Variants in ERC2 observed in about 807,000 individuals in gnomAD.
The protein encoded by ERC2 is ERC protein 2.
A neutral mutation model predicts 114.8 loss-of-function variants in ERC2; 42 were observed. That is an observed-to-expected ratio of 0.37 (90% CI 0.29 to 0.47). The LOEUF is 0.47. Ranked by LOEUF, ERC2 falls within the 20% of genes least tolerant of loss-of-function variation. The pLI is 0.99. For synonymous variants in ERC2, 454 were observed against 425.5 expected (o/e 1.07, Z -0.82); for missense variants, 939 against 1,150.7 (o/e 0.82, Z 2.66).
chr3:56,299,026 C>T (rs963800252), intron 2 of ERC2, among the ~76,000 whole-genome samples: 1 of 151,036 alleles, frequency 6.6e-6, no homozygotes, highest in African/African-American at 2.5e-5. Flanking sequence ...TGAAAGAGTG[C>T]TTTGGCAACT....
At chr3:56,435,823 A>G (rs2061992610) in intron 1 of ERC2, among the ~76,000 whole-genome samples, 1 of 152,212 alleles carries the variant, frequency 6.6e-6, no homozygotes, top group Non-Finnish European at 1.5e-5. Flanking sequence ...GCCTAAACAC[A>G]TAGCCAGATC....
Position 56,122,768 on chromosome 3 carries a change from C to T in ERC2, c.1473+16741G>A, listed in dbSNP as rs143114306. Among the ~76,000 whole-genome samples the T allele has an allele frequency of 5.0e-3, 756 of 152,202 alleles. 6 individuals carry two copies. Among genetic ancestry groups the T allele is most frequent in the African/African-American group, 0.017 (702 of 41,524 alleles). On this transcript the variant is annotated intron_variant, in intron 6 of 17. Coordinates refer to ENST00000288221, the MANE Select transcript of ERC2 (RefSeq NM_015576.3). ...GTAGCTCAGGAAAAATGCCCGAATG[C>T]CCGTAAGTCTTATAATGCAATCTCC...
chr3:55,989,947 C>T (rs527675534), intron 11 of ERC2, among the ~76,000 whole-genome samples: 1 of 152,244 alleles, frequency 6.6e-6, no homozygotes, highest in South Asian at 2.1e-4. Context: ...AATCAGGAAA[C>T]CCATATTACA....
intron 15 of ERC2, among the ~76,000 whole-genome samples, chr3:55,713,113 T>C (rs1344313841): frequency 8.8e-6 from 1 of 113,688 alleles, no homozygotes; most frequent in African/African-American, 4.1e-5. Context: ...TCTCTCTCTC[T>C]CTCTCTCTCT....
intron 7 of ERC2, among the ~76,000 whole-genome samples, chr3:56,058,112 G>C (rs1346036490): frequency 2.0e-5 from 3 of 152,130 alleles, no homozygotes; most frequent in Non-Finnish European, 2.9e-5. Context: ...ACCTGCACTT[G>C]ATAAACAGCT....
Position 55,780,882 on chromosome 3 carries a change from T to G in ERC2, c.2565-45964A>C, listed in dbSNP as rs146180746. On this transcript the variant is annotated intron_variant, in intron 14 of 17. Coordinates refer to ENST00000288221, the MANE Select transcript of ERC2 (RefSeq NM_015576.3). The stretch of plus-strand genomic sequence containing the variant: ...TCTGATTCTGTAGCCCTGTGTTGTG[T>G]GATAGCAAATGATACGCCAAGACGA... Among the ~76,000 whole-genome samples the G allele has an allele frequency of 1.2e-3, 178 of 152,254 alleles. 1 individual carries two copies. Among genetic ancestry groups the G allele is most frequent in the African/African-American group, 3.9e-3 (163 of 41,548 alleles).
chr3:55,991,032 C>T (rs879876982), intron 11 of ERC2, among the ~76,000 whole-genome samples: 2 of 152,166 alleles, frequency 1.3e-5, no homozygotes, highest in African/African-American at 2.4e-5. Context: ...AACTTCGAGG[C>T]TGCAGTGAGT....
rs540591010 is a variant in ERC2, at chr3:55,833,138, G to A, written c.2564+55251C>T. 1.8e-3 allele frequency among the ~76,000 whole-genome samples: 268 copies of A among 150,026 alleles called. 3 individuals are homozygous for A. The highest frequency in any genetic ancestry group is 2.8e-3 in the Non-Finnish European group (192 of 67,910). ...AAGACCAAATCTACGTCTGATTGGT[G>A]TACCTGAAAGTGACGGGGAGAATGG... On this transcript the variant is annotated intron_variant, in intron 14 of 17. Transcript: ENST00000288221.
chr3:55,530,463 T>C (rs1371452079), intron 17 of ERC2, among the ~76,000 whole-genome samples: 1 of 82,916 alleles, frequency 1.2e-5, no homozygotes, highest in East Asian at 1.5e-3. Flanking sequence ...ACGTCTGACC[T>C]GACATGTTCT....
chr3:56,309,802 A>G (rs56124129), intron 2 of ERC2, among the ~76,000 whole-genome samples: 5,712 of 152,242 alleles, frequency 0.038, 218 homozygotes, highest in South Asian at 0.2. Context: ...AATGTTAGCT[A>G]TTTTCATTAT....
Position 55,802,761 on chromosome 3 carries a change from G to C in ERC2, c.2565-67843C>G, listed in dbSNP as rs1377222086. ...TTAAGGAAATCAGCAAGTTTAGGGG[G>C]AATTTTTTTTTTCTGAAGGATTAAC... On this transcript the variant is annotated intron_variant, in intron 14 of 17. Coordinates refer to ENST00000288221, the MANE Select transcript of ERC2 (RefSeq NM_015576.3). Among the ~76,000 whole-genome samples the C allele has an allele frequency of 2.6e-5, 4 of 152,146 alleles. No homozygotes were observed. The East Asian group carries it at 7.7e-4, about 29-fold the overall frequency.
chr3:56,462,748 T>C (rs1279550067), intron 1 of ERC2, among the ~76,000 whole-genome samples: 27 of 152,208 alleles, frequency 1.8e-4, no homozygotes, highest in Non-Finnish European at 5.9e-5. Flanking sequence ...TTGAGGGTTT[T>C]CTTGAGAAGG....
At chr3:56,283,533 T>A (rs1396067209) in intron 3 of ERC2, among the ~76,000 whole-genome samples, 1 of 152,228 alleles carries the variant, frequency 6.6e-6, no homozygotes, top group Non-Finnish European at 1.5e-5. Flanking sequence ...TTCTTTGCTG[T>A]GTGGACTCTG....
intron 14 of ERC2, among the ~76,000 whole-genome samples, chr3:55,810,529 C>A (rs536389449): frequency 6.6e-6 from 1 of 151,366 alleles, no homozygotes; most frequent in Non-Finnish European, 1.5e-5. Context: ...ATGGCATGAT[C>A]TCAGCTCACT....
intron 2 of ERC2, among the ~76,000 whole-genome samples, chr3:56,346,620 C>A (rs2058319083): frequency 6.6e-6 from 1 of 152,194 alleles, no homozygotes; most frequent in Non-Finnish European, 1.5e-5. Context: ...AAATATGCAT[C>A]AAGCCAAACC....
At chr3:56,416,966 T>C (rs1447093375) in intron 2 of ERC2, among the ~76,000 whole-genome samples, 2 of 152,212 alleles carry the variant, frequency 1.3e-5, no homozygotes, top group Non-Finnish European at 2.9e-5. Flanking sequence ...GAGATCTAAG[T>C]TAGAGAACTT....
At chr3:56,367,267 T>C (rs1163050638) in intron 2 of ERC2, among the ~76,000 whole-genome samples, 1 of 151,374 alleles carries the variant, frequency 6.6e-6, no homozygotes, top group Non-Finnish European at 1.5e-5. Flanking sequence ...GGGCAGCATT[T>C]TTTTTTTTTT....
chr3:56,366,572 G>C (rs771349096), intron 2 of ERC2, among the ~76,000 whole-genome samples: 58 of 152,250 alleles, frequency 3.8e-4, no homozygotes, highest in Non-Finnish European at 7.5e-4. Context: ...TGAGTTCTTT[G>C]GCTGTTTATT....
At chr3:55,910,273 T>C (rs2064721436) in intron 13 of ERC2, among the ~76,000 whole-genome samples, 1 of 151,948 alleles carries the variant, frequency 6.6e-6, no homozygotes, top group African/African-American at 2.4e-5. Flanking sequence ...ACGCCTGTAA[T>C]CCCAGCTACT....
Sources: gnomAD v4.1 joint callset for allele counts (sites outside exome capture counted in the v4.1 genomes callset) on GRCh38, gnomAD v4.1.1 for gene constraint, MANE v1.5 for transcripts, NCBI Gene and HGNC (gene_info 2026-07-23, HGNC 2026-07-21) for gene names.